Variants in SRGAP3 observed in about 807,000 individuals in gnomAD.
SRGAP3 encodes SLIT-ROBO Rho GTPase activating protein 3.
In SRGAP3, 39 loss-of-function variants were observed where a neutral mutation model predicts 121.1. The observed-to-expected ratio is 0.32, with a 90% CI of 0.25 to 0.42. The LOEUF (loss-of-function observed/expected upper bound fraction) is 0.42. Ranked by LOEUF, SRGAP3 falls within the 10% of genes least tolerant of loss-of-function variation. SRGAP3 has a pLI of 1.00. For synonymous variants in SRGAP3, 601 were observed against 570.0 expected (o/e 1.05, Z -0.77); for missense variants, 1,213 against 1,470.6 (o/e 0.82, Z 2.86).
At chr3:9,111,396 G>A (rs1948617147) in intron 2 of SRGAP3, among the ~76,000 whole-genome samples, 1 of 152,240 alleles carries the variant, frequency 6.6e-6, no homozygotes, top group Admixed American at 6.5e-5. Flanking sequence ...GCGGGAGAAG[G>A]CTCTAGGCAG....
chr3:8,990,153 G>T (rs988839592), intron 21 of SRGAP3, among the ~76,000 whole-genome samples: 1 of 152,230 alleles, frequency 6.6e-6, no homozygotes, highest in Non-Finnish European at 1.5e-5. Flanking sequence ...GCCAGTGAAT[G>T]AATTGATGAA....
intron 18 of SRGAP3, among the ~76,000 whole-genome samples, chr3:9,003,120 G>C (rs145308256): frequency 6.6e-6 from 1 of 152,110 alleles, no homozygotes; most frequent in Non-Finnish European, 1.5e-5. Flanking sequence ...ACCAGACAAA[G>C]GTATCACAAG....
At chr3:9,220,443 G>A (rs1213254686) in intron 1 of SRGAP3, among the ~76,000 whole-genome samples, 3 of 152,196 alleles carry the variant, frequency 2.0e-5, no homozygotes, top group South Asian at 4.2e-4. Flanking sequence ...GCAGCTCCTG[G>A]GTCCTCAGAT....
At chr3:9,015,923 A>G in intron 14 of SRGAP3, 192 bp from the exon 15 acceptor site, 1 of 626,854 alleles carries the variant, frequency 1.6e-6, no homozygotes, top group East Asian at 2.8e-5. Context: ...AAATGTTTAA[A>G]TCTATAGAAA....
At chr3:9,219,408 T>C (rs1259356049) in intron 1 of SRGAP3, 1 of 152,136 alleles carries the variant, frequency 6.6e-6, no homozygotes, top group Admixed American at 6.6e-5. Context: ...TAATCAGGTA[T>C]GTACTAAGCC....
upstream of SRGAP3, among the ~76,000 whole-genome samples, chr3:9,252,713 C>G (rs981269789): frequency 6.6e-6 from 1 of 152,166 alleles, no homozygotes; most frequent in Non-Finnish European, 1.5e-5. Flanking sequence ...CTCCCCACAG[C>G]CCACCCCAGC....
At chr3:9,254,757 G>A (rs1172781568) in intron 3 of SRGAP3, among the ~76,000 whole-genome samples, 1 of 150,394 alleles carries the variant, frequency 6.6e-6, no homozygotes, top group Non-Finnish European at 1.5e-5. Flanking sequence ...GACTGCAATT[G>A]CACCACTGCA....
At chr3:9,004,468 C>A (rs1391610601) in intron 18 of SRGAP3, among the ~76,000 whole-genome samples, 3 of 152,160 alleles carry the variant, frequency 2.0e-5, no homozygotes, top group African/African-American at 7.2e-5. Flanking sequence ...CCAAAACAAT[C>A]TTGAAAACGA....
chr3:9,027,069 T>C, intron 12 of SRGAP3, 74 bp from the exon 13 acceptor site: 1 of 1,370,444 alleles, frequency 7.3e-7, no homozygotes, highest in Non-Finnish European at 1.0e-6. Context: ...CAAACACCGA[T>C]TACAGACTCA....
At chr3:9,197,076 C>T (rs973418310) in intron 1 of SRGAP3, among the ~76,000 whole-genome samples, 10 of 152,200 alleles carry the variant, frequency 6.6e-5, no homozygotes, top group Non-Finnish European at 1.5e-4. Flanking sequence ...GCCACCTTCC[C>T]TTTTAAATCA....
intron 7 of SRGAP3, among the ~76,000 whole-genome samples, chr3:9,056,787 A>C (rs971835434): frequency 2.0e-5 from 3 of 152,180 alleles, no homozygotes; most frequent in African/African-American, 7.2e-5. Context: ...CAGCTGTGAG[A>C]CAATGTGCTC....
chr3:9,053,694 G>A (rs952077326), intron 8 of SRGAP3, among the ~76,000 whole-genome samples: 24 of 152,222 alleles, frequency 1.6e-4, no homozygotes, highest in Admixed American at 1.6e-3. Flanking sequence ...AACTCTCCAG[G>A]TATCTGCTAC....
intron 19 of SRGAP3, chr3:8,993,944 A>T: frequency 4.2e-6 from 1 of 237,624 alleles, no homozygotes; most frequent in Admixed American, 5.0e-5. Flanking sequence ...TTAATCAGAA[A>T]CAAGGGCATG....
chr3:9,183,145 G>C lies in SRGAP3; in HGVS notation c.68-58228C>G, dbSNP rs570191650. 6.6e-5 allele frequency among the ~76,000 whole-genome samples: 10 copies of C among 152,306 alleles called. No homozygotes were observed. In the South Asian group the frequency reaches 1.7e-3, roughly 25 times the overall value. On this transcript the variant is annotated intron_variant, in intron 1 of 21. Coordinates refer to ENST00000383836, the MANE Select transcript of SRGAP3 (RefSeq NM_014850.4). Reference sequence around the variant, plus strand: ...GCCATCAACTGGGAATCTGAGAGAGGAGGAGGCCCAGGAAGGGACCAGGAA... The same window carrying C: ...GCCATCAACTGGGAATCTGAGAGAGCAGGAGGCCCAGGAAGGGACCAGGAA...
chr3:9,047,339 G>T, intron 10 of SRGAP3, 52 bp downstream of exon 10: 2 of 1,573,364 alleles, frequency 1.3e-6, no homozygotes, highest in Non-Finnish European at 1.7e-6. Context: ...GCCACAGTGA[G>T]AGCCAGTGGG....
At chr3:9,028,745 G>C (rs557797893) in intron 12 of SRGAP3, among the ~76,000 whole-genome samples, 1 of 152,270 alleles carries the variant, frequency 6.6e-6, no homozygotes, top group African/African-American at 2.4e-5. Context: ...TACACCCTAA[G>C]TTGCTTTTCT....
At chr3:9,316,638 GAC>G (rs1417588396) in intron 3 of SRGAP3, among the ~76,000 whole-genome samples, 2 of 152,022 alleles carry the variant, frequency 1.3e-5, no homozygotes, top group Non-Finnish European at 2.9e-5. Context: ...CCAGCCTGGT[GAC>G]AGAGACTCCA....
chr3:9,246,220 CA>C (rs2125244228), intron 1 of SRGAP3, among the ~76,000 whole-genome samples: 1 of 152,216 alleles, frequency 6.6e-6, no homozygotes, highest in African/African-American at 2.4e-5. Context: ...TTTTAAAAAT[CA>C]AAAGTTCCCT....
upstream of SRGAP3, among the ~76,000 whole-genome samples, chr3:9,253,502 T>C (rs1005368044): frequency 5.9e-5 from 9 of 152,316 alleles, no homozygotes; most frequent in Non-Finnish European, 1.3e-4. Flanking sequence ...AAAGGCTTCA[T>C]CTGAAGGAAA....
Sources: allele counts gnomAD v4.1 joint callset (sites outside exome capture counted in the v4.1 genomes callset), GRCh38; gene constraint gnomAD v4.1.1; transcripts MANE v1.5; gene names NCBI Gene and HGNC (gene_info 2026-07-23, HGNC 2026-07-21).